Variants in PIP5K1C observed in about 807,000 individuals in gnomAD.
PIP5K1C encodes phosphatidylinositol 4-phosphate 5-kinase type-1 gamma.
Under a neutral mutation model 80.1 loss-of-function variants are expected in PIP5K1C, and 45 were observed. The observed-to-expected ratio is 0.56, with a 90% CI of 0.44 to 0.72. PIP5K1C has a LOEUF of 0.72. PIP5K1C is among the 30% of genes least tolerant of loss of function. The probability of loss-of-function intolerance (pLI) is 0.00; values close to 1 mark genes in which losing one functional copy is unlikely to be tolerated. For synonymous variants in PIP5K1C, 498 were observed against 420.1 expected (o/e 1.19, Z -2.27); for missense variants, 753 against 954.6 (o/e 0.79, Z 2.78).
intron 1 of PIP5K1C, among the ~76,000 whole-genome samples, chr19:3,683,722 G>A (rs1304616660): frequency 6.6e-6 from 1 of 152,182 alleles, no homozygotes; most frequent in African/African-American, 2.4e-5. Context: ...GAGGAGCCAG[G>A]CGGGGGAAGG....
Position 3,648,749 on chromosome 19 carries a change from G to A in PIP5K1C, c.1128-41C>T, listed in dbSNP as rs966430509. 2.6e-6 allele frequency: 4 copies of A among 1,566,762 alleles called. No individual in the cohort carries two copies. Among genetic ancestry groups the A allele is most frequent in the Middle Eastern group, 1.7e-4 (1 of 6,004 alleles). The stretch of plus-strand genomic sequence containing the variant: ...GAGGGTACCATCAGCATCCCGCAGA[G>A]CTGGGACTCGGGGCAGGCGGGGCTG... On this transcript the variant is annotated intron_variant, in intron 8 of 17. Transcript: ENST00000335312. This position sits in a 1 kb window ranked among gnomAD's most constrained non-coding sequence, Gnocchi z 4.3.
intron 1 of PIP5K1C, among the ~76,000 whole-genome samples, chr19:3,669,319 A>T (rs1395681466): frequency 1.3e-5 from 2 of 152,102 alleles, no homozygotes; most frequent in Non-Finnish European, 2.9e-5. Context: ...AGTGCGTTGG[A>T]ACTGGTCTGG....
chr19:3,643,395 A>G lies in PIP5K1C; in HGVS notation c.1511-14T>C, dbSNP rs115336798. On this transcript the variant is annotated splice_polypyrimidine_tract_variant and intron_variant, in intron 12 of 17. Transcript: ENST00000335312. ...GGTCGGGCCGGCCTGAGGGGAGAGG[A>G]CTGTGGGCACCTTGCGGAGCCTCCG... 4,152 of 1,612,872 alleles carry G rather than the reference A, an allele frequency of 2.6e-3. 95 individuals are homozygous for G. The African/African-American group carries it at 0.047, about 18-fold the overall frequency.
intron 10 of PIP5K1C, among the ~76,000 whole-genome samples, chr19:3,646,560 C>A (rs939637894): frequency 1.3e-5 from 2 of 152,198 alleles, no homozygotes; most frequent in African/African-American, 4.8e-5. Context: ...ACAAGGACAA[C>A]CCCAGGGACA....
chr19:3,638,927 T>C lies in PIP5K1C; in HGVS notation c.1877A>G (p.Gln626Arg), dbSNP rs1324341651. ...ASDEEGAPAS[Q>R]ASDEEDAPAT... ...GGGCGCGTCCTCCTCGTCCGAGGCC[T>C]GGCTGGCAGGTGCGCCCTCCTCGTC... The change falls in exon 16 of 18, where the codon CAG becomes CGG. Residue 626 changes from glutamine to arginine, a missense_variant. Gln to Arg is a conservative substitution (Grantham distance 43). Transcript: ENST00000335312. 3 of 1,612,520 alleles carry C rather than the reference T, an allele frequency of 1.9e-6. No homozygotes were observed. Among genetic ancestry groups the C allele is most frequent in the African/African-American group, 2.7e-5 (2 of 74,812 alleles).
At position 3,651,921 on chromosome 19, in the gene PIP5K1C, C is replaced by T; in HGVS notation, c.1032G>A (p.Glu344=). ...QAQGAQSTSD[E]KRPVGQKALY... ...GCGCCTTCTGGCCCACAGGCCGCTT[C>T]TCATCTGAGGTGCTCTGGGCGCCCT... Residue 344 remains glutamate, a synonymous_variant, in exon 8 of 18, where the codon GAG becomes GAA. Transcript: ENST00000335312. 1 of 1,612,902 alleles carries T rather than the reference C, an allele frequency of 6.2e-7. No homozygotes were observed.
intron 2 of PIP5K1C, among the ~76,000 whole-genome samples, chr19:3,666,845 C>G (rs1463063376): frequency 6.6e-6 from 1 of 152,192 alleles, no homozygotes; most frequent in African/African-American, 2.4e-5. Flanking sequence ...TGCACACAGC[C>G]TCACTGTGCA....
intron 11 of PIP5K1C, among the ~76,000 whole-genome samples, chr19:3,645,095 G>A (rs974186040): frequency 6.6e-5 from 10 of 152,174 alleles, no homozygotes; most frequent in African/African-American, 2.4e-5. Context: ...CCCTGACCTC[G>A]AGGCCGTGAG....
At chr19:3,634,090 G>A (rs1490735119) in intron 16 of PIP5K1C, among the ~76,000 whole-genome samples, 1 of 152,156 alleles carries the variant, frequency 6.6e-6, no homozygotes, top group Non-Finnish European at 1.5e-5. Flanking sequence ...CACCCACCCT[G>A]CAAGAGCCAG....
chr19:3,661,342 G>A (rs1329619963), intron 4 of PIP5K1C, among the ~76,000 whole-genome samples: 2 of 152,234 alleles, frequency 1.3e-5, no homozygotes, highest in African/African-American at 2.4e-5. Context: ...GGACCATGCC[G>A]CCCCAGCCTC....
intron 2 of PIP5K1C, 74 bp downstream of exon 2, chr19:3,667,248 C>T (rs2035042397): frequency 1.5e-6 from 2 of 1,377,466 alleles, no homozygotes; most frequent in African/African-American, 1.4e-5. Context: ...CCAGGCCACA[C>T]AGCTTCTCCG....
chr19:3,678,626 AGATGGAAGG>A (rs1200575002), intron 1 of PIP5K1C, among the ~76,000 whole-genome samples: 3 of 72,380 alleles, frequency 4.1e-5, no homozygotes, highest in African/African-American at 1.2e-4. Context: ...AGGGATGGAG[AGATGGAAGG>A]ATGGAGGGAG....
At position 3,637,507 on chromosome 19, in the gene PIP5K1C, C is replaced by T; in HGVS notation, c.1920+1377G>A. On this transcript the variant is annotated intron_variant, in intron 16 of 17. Transcript: ENST00000335312. The surrounding 1 kb of genome is among the most constrained non-coding windows in gnomAD (Gnocchi z 7.0). ...CTGCCCGAGGGGCACTGCCCCTTCT[C>T]CCCAGGGTGGCCGGCTGCGGTCACT... 6.5e-7 allele frequency: 1 copy of T among 1,535,676 alleles called. No homozygotes were observed. The highest frequency in any genetic ancestry group is 8.7e-7 in the Non-Finnish European group (1 of 1,146,776).
At chr19:3,700,130 C>A (rs1432651420) in intron 1 of PIP5K1C, among the ~76,000 whole-genome samples, 167 bp downstream of exon 1, 1 of 151,652 alleles carries the variant, frequency 6.6e-6, no homozygotes. Context: ...GGCGCGGCTT[C>A]AGCCCCGTCC....
chr19:3,658,105 C>T (rs944705757), intron 5 of PIP5K1C, among the ~76,000 whole-genome samples: 8 of 152,336 alleles, frequency 5.3e-5, no homozygotes, highest in South Asian at 2.1e-4. Context: ...CCTGGGAATG[C>T]CCCAGTCCCT....
chr19:3,639,575 G>C (rs1472359497), intron 15 of PIP5K1C, among the ~76,000 whole-genome samples: 1 of 152,088 alleles, frequency 6.6e-6, no homozygotes, highest in Non-Finnish European at 1.5e-5. Context: ...GAGACTATAG[G>C]TGTGCACTGC....
chr19:3,633,815 G>T (rs959058045), intron 16 of PIP5K1C, among the ~76,000 whole-genome samples: 2 of 152,046 alleles, frequency 1.3e-5, no homozygotes, highest in Non-Finnish European at 2.9e-5. Context: ...GCGGAAGCGG[G>T]TGGGGGTCGC....
intron 6 of PIP5K1C, among the ~76,000 whole-genome samples, chr19:3,654,432 G>A (rs995281420): frequency 6.6e-6 from 1 of 152,230 alleles, no homozygotes. Context: ...ACCAGCCTGG[G>A]CAGGCTAGGT....
chr19:3,654,024 C>G (rs2034539765), intron 6 of PIP5K1C, among the ~76,000 whole-genome samples: 1 of 152,208 alleles, frequency 6.6e-6, no homozygotes, highest in African/African-American at 2.4e-5. Flanking sequence ...TTTCTTGAGA[C>G]AGGGTCTCGC....
Sources: allele counts gnomAD v4.1 joint callset (sites outside exome capture counted in the v4.1 genomes callset), GRCh38; gene constraint gnomAD v4.1.1; non-coding constraint Gnocchi (gnomAD v3.1); transcripts MANE v1.5; gene names NCBI Gene and HGNC (gene_info 2026-07-23, HGNC 2026-07-21).